The following FTCDNL1 variants were observed in gnomAD, a reference collection of about 807,000 sequenced individuals.
FTCDNL1 encodes formiminotransferase N-terminal subdomain-containing protein.
A neutral mutation model predicts 5.9 loss-of-function variants in FTCDNL1; 11 were observed. The ratio of observed to expected loss-of-function variants is 1.87; its 90% CI spans 1.18 to 3.10. FTCDNL1 has a LOEUF of 3.10. Among genes scored for constraint, FTCDNL1 ranks in the 30% most tolerant of loss-of-function variants. The pLI is 0.00. For synonymous variants in FTCDNL1, 58 were observed against 24.8 expected, an observed-to-expected ratio of 2.34 and a Z score of -3.99; for missense variants, 115 against 65.5, an observed-to-expected ratio of 1.76 and a Z score of -2.61.
chr2:199,773,088 G>C (rs1698892140), intron 3 of FTCDNL1, among the ~76,000 whole-genome samples: 1 of 151,920 alleles, frequency 6.6e-6, no homozygotes, highest in African/African-American at 2.4e-5. Flanking sequence ...CTGTAAGGCT[G>C]GTATTAATTG....
At chr2:199,731,253 A>C in the FTCDNL1 span, among the ~76,000 whole-genome samples, 1 of 152,190 alleles carries the variant, frequency 6.6e-6, no homozygotes, top group East Asian at 1.9e-4. Context: ...TGTGGGGCTT[A>C]AAACCTAGAT....
At chr2:199,757,731 G>A (rs182194371), downstream of FTCDNL1, among the ~76,000 whole-genome samples, 34 of 152,334 alleles carry the variant, frequency 2.2e-4, no homozygotes, top group East Asian at 5.6e-3. Flanking sequence ...TGGATGGCTT[G>A]TAGTCAGTGT....
the FTCDNL1 span, among the ~76,000 whole-genome samples, chr2:199,733,640 TG>T: frequency 6.6e-6 from 1 of 152,154 alleles, no homozygotes; most frequent in Non-Finnish European, 1.5e-5. Context: ...TGTCAGGTGC[TG>T]AAAGAATGCC....
At chr2:199,838,963 T>C (rs1287189360) in intron 3 of FTCDNL1, among the ~76,000 whole-genome samples, 1 of 152,082 alleles carries the variant, frequency 6.6e-6, no homozygotes, top group Non-Finnish European at 1.5e-5. Context: ...TGGAAGATCC[T>C]CCTCTGGGGA....
At chr2:199,843,594 C>T (rs1261775771) in intron 3 of FTCDNL1, among the ~76,000 whole-genome samples, 1 of 152,164 alleles carries the variant, frequency 6.6e-6, no homozygotes, top group Non-Finnish European at 1.5e-5. Flanking sequence ...ATTTCTGGTG[C>T]TTAATGTAGC....
At chr2:199,738,334 A>T in the FTCDNL1 span, among the ~76,000 whole-genome samples, 2 of 152,198 alleles carry the variant, frequency 1.3e-5, no homozygotes, top group African/African-American at 4.8e-5. Flanking sequence ...TAGGCATGAT[A>T]GACAGGAAAG....
At chr2:199,712,574 C>T in the FTCDNL1 span, among the ~76,000 whole-genome samples, 2 of 152,270 alleles carry the variant, frequency 1.3e-5, no homozygotes, top group East Asian at 3.9e-4. Context: ...TAACAAAGTA[C>T]CATAAACTAG....
chr2:199,834,136 TG>T (rs1318795607), intron 3 of FTCDNL1, among the ~76,000 whole-genome samples: 1 of 152,052 alleles, frequency 6.6e-6, no homozygotes, highest in Non-Finnish European at 1.5e-5. Context: ...CCAATATGAC[TG>T]GGGTCCTCAT....
chr2:199,841,284 G>A (rs780800848), intron 3 of FTCDNL1, among the ~76,000 whole-genome samples: 10 of 152,320 alleles, frequency 6.6e-5, no homozygotes, highest in Non-Finnish European at 1.0e-4. Context: ...CTACTGGGAA[G>A]GCTGAGACAG....
chr2:199,751,110 C>T, the FTCDNL1 span, among the ~76,000 whole-genome samples: 6 of 152,126 alleles, frequency 3.9e-5, no homozygotes, highest in Admixed American at 1.3e-4. Context: ...GGAAAGTGGA[C>T]GTAACACTTA....
the FTCDNL1 span, among the ~76,000 whole-genome samples, chr2:199,716,460 T>C: frequency 6.6e-6 from 1 of 152,130 alleles, no homozygotes; most frequent in Non-Finnish European, 1.5e-5. Flanking sequence ...TAGCCCCAAT[T>C]CTCAATGACT....
chr2:199,693,096 G>T, the FTCDNL1 span, among the ~76,000 whole-genome samples: 1 of 152,218 alleles, frequency 6.6e-6, no homozygotes, highest in East Asian at 1.9e-4. Context: ...AGTGCAATGT[G>T]TTGGGGGCTG....
At chr2:199,760,348 A>G (rs1226345820), downstream of FTCDNL1, among the ~76,000 whole-genome samples, 2 of 152,222 alleles carry the variant, frequency 1.3e-5, no homozygotes, top group Non-Finnish European at 2.9e-5. Flanking sequence ...ATAGCAGTTA[A>G]CTGGAAAGAG....
the FTCDNL1 span, among the ~76,000 whole-genome samples, chr2:199,674,885 T>C: frequency 2.0e-5 from 3 of 152,160 alleles, no homozygotes; most frequent in Non-Finnish European, 4.4e-5. Flanking sequence ...AGAAAAATAA[T>C]CTGTCTGGTT....
intron 3 of FTCDNL1, among the ~76,000 whole-genome samples, chr2:199,782,844 T>G (rs1282523302): frequency 6.6e-6 from 1 of 152,220 alleles, no homozygotes; most frequent in Non-Finnish European, 1.5e-5. Context: ...CCTTCATCCT[T>G]CAGATCCAGC....
At chr2:199,717,259 G>T in the FTCDNL1 span, among the ~76,000 whole-genome samples, 1 of 152,186 alleles carries the variant, frequency 6.6e-6, no homozygotes, top group Non-Finnish European at 1.5e-5. Context: ...ATGACTGTCC[G>T]TGTAGTCTGT....
chr2:199,791,937 A>G (rs949313482), intron 3 of FTCDNL1, among the ~76,000 whole-genome samples: 1 of 152,162 alleles, frequency 6.6e-6, no homozygotes, highest in Non-Finnish European at 1.5e-5. Flanking sequence ...TAAATTATTT[A>G]CATGAGCTAA....
chr2:199,681,570 G>A, the FTCDNL1 span, among the ~76,000 whole-genome samples: 1 of 152,190 alleles, frequency 6.6e-6, no homozygotes, highest in African/African-American at 2.4e-5. Context: ...AAAAGGGGAT[G>A]AGAGCAAGTT....
the FTCDNL1 span, among the ~76,000 whole-genome samples, chr2:199,740,807 G>A: frequency 6.6e-6 from 1 of 152,198 alleles, no homozygotes; most frequent in South Asian, 2.1e-4. Flanking sequence ...CCTGGGGAGA[G>A]CTAACAGGTA....
Sources: gnomAD v4.1 joint callset for allele counts (sites outside exome capture counted in the v4.1 genomes callset) on GRCh38, gnomAD v4.1.1 for gene constraint, MANE v1.5 for transcripts, NCBI Gene and HGNC (gene_info 2026-07-23, HGNC 2026-07-21) for gene names.